Variants in TBL1X observed in about 807,000 individuals in gnomAD.
TBL1X encodes F-box-like/WD repeat-containing protein TBL1X.
In TBL1X, 10 loss-of-function variants were observed where a neutral mutation model predicts 50.7. That is an observed-to-expected ratio of 0.20 (90% CI 0.12 to 0.33). The LOEUF (loss-of-function observed/expected upper bound fraction) is 0.33. Among genes scored for constraint, TBL1X ranks in the 10% least tolerant of loss-of-function variants. The pLI, the probability that TBL1X is intolerant of heterozygous loss-of-function variation, is 1.00. For synonymous variants in TBL1X, 190 were observed against 214.7 expected, an observed-to-expected ratio of 0.88 and a Z score of 1.01; for missense variants, 340 against 504.4, an observed-to-expected ratio of 0.67 and a Z score of 3.12.
intron 2 of TBL1X, among the ~76,000 whole-genome samples, chrX:9,564,131 A>G (rs1471574476): frequency 8.9e-6 from 1 of 112,508 alleles, no homozygotes; most frequent in Non-Finnish European, 1.9e-5. Context: ...TAGAATAAAG[A>G]TGTTTGGGCC....
intron 1 of TBL1X, among the ~76,000 whole-genome samples, chrX:9,487,899 G>A (rs2081921769): frequency 9.0e-6 from 1 of 111,361 alleles, no homozygotes; most frequent in African/African-American, 3.3e-5. Flanking sequence ...ATTCCAAGCA[G>A]CAAGACTTAG....
rs141942144 is a variant in TBL1X at position 9,515,190 on chromosome X, T to C, written c.-131+13341T>C. ...CTTGGATCCACTTCCTAAGTTCCTA[T>C]AGTCCTTATTTTATAAACTGATAAA... On this transcript the variant is annotated intron_variant, in intron 2 of 17. Transcript: ENST00000645353. Among the ~76,000 whole-genome samples the C allele has an allele frequency of 8.1e-3, 909 of 111,973 alleles. 16 individuals are homozygous for C. The highest frequency in any genetic ancestry group is 0.028 in the African/African-American group (873 of 30,852).
intron 5 of TBL1X, among the ~76,000 whole-genome samples, chrX:9,674,680 G>GCTCCC (rs2082981537): frequency 2.5e-4 from 1 of 4,012 alleles, no homozygotes; most frequent in African/African-American, 7.2e-4. Context: ...TCCCGCCTCA[G>GCTCCC]CCCCCCCCCC....
chrX:9,560,151 C>T (rs935379346), intron 2 of TBL1X, among the ~76,000 whole-genome samples: 3 of 112,063 alleles, frequency 2.7e-5, no homozygotes, highest in Non-Finnish European at 5.6e-5. Context: ...CTGTGGAGTT[C>T]CACGACAAAG....
In TBL1X at chrX:9,661,489, C is replaced by T. The variant is rs763706424; in HGVS notation, c.211+7167C>T. Among the ~76,000 whole-genome samples, 35 of 111,406 alleles carry T rather than the reference C, an allele frequency of 3.1e-4. No homozygotes were observed. The South Asian group carries it at 3.5e-3, about 11-fold the overall frequency. On this transcript the variant is annotated intron_variant, in intron 5 of 17. Transcript: ENST00000645353. ...GCAGTGAGCCATAATTGTGCTATTG[C>T]ACTCCAGAGTGGGTGACAGAGTGAG... is the stretch of plus-strand genomic sequence containing the variant.
chrX:9,711,624 T>G lies in TBL1X; in HGVS notation c.1453T>G (p.Ser485Ala). ...CCACCTTGCTAGTGCTTCGTTTGAT[T>G]CTACGGTGCGACTGTGGGACATAGA... ...NIMLASASFD[S>A]TVRLWDIERG... The change falls in exon 16 of 18, where the codon TCT becomes GCT. Residue 485 changes from serine to alanine, a missense_variant. This residue lies in a region of TBL1X where 170 missense variants were observed against 272.6 expected (regional missense o/e 0.62). Transcript: ENST00000645353. The G allele has an allele frequency of 4.2e-6, 5 of 1,194,915 alleles. No homozygotes were observed. The highest frequency in any genetic ancestry group is 5.6e-6 in the Non-Finnish European group (5 of 885,911).
chrX:9,596,466 G>A (rs1051119899), intron 2 of TBL1X, among the ~76,000 whole-genome samples: 10 of 111,219 alleles, frequency 9.0e-5, no homozygotes, highest in African/African-American at 2.9e-4. Context: ...CATTTTTGGT[G>A]TCACCTTGGG....
At chrX:9,488,133 C>A (rs1601709654) in intron 1 of TBL1X, among the ~76,000 whole-genome samples, 1 of 112,275 alleles carries the variant, frequency 8.9e-6, no homozygotes. Flanking sequence ...ACTGATAAGA[C>A]TGAAGGCCAT....
intron 2 of TBL1X, among the ~76,000 whole-genome samples, chrX:9,559,254 C>T (rs2082314174): frequency 9.0e-6 from 1 of 111,670 alleles, no homozygotes; most frequent in African/African-American, 3.3e-5. Flanking sequence ...TCTCTTGGCC[C>T]CAGTTTACCC....
At chrX:9,527,769 G>A (rs1242925894) in intron 2 of TBL1X, among the ~76,000 whole-genome samples, 2 of 110,308 alleles carry the variant, frequency 1.8e-5, no homozygotes, top group African/African-American at 6.6e-5. Context: ...ACACTGTTCC[G>A]CCACCATCAC....
At chrX:9,707,701 A>C (rs185709994) in intron 13 of TBL1X, among the ~76,000 whole-genome samples, 7 of 112,656 alleles carry the variant, frequency 6.2e-5, no homozygotes, top group African/African-American at 2.3e-4. Context: ...CTGCAGTCAG[A>C]GCCACCCTTG....
intron 5 of TBL1X, among the ~76,000 whole-genome samples, chrX:9,670,099 ACCATTATG>A (rs1342301646): frequency 1.8e-4 from 20 of 112,262 alleles, no homozygotes; most frequent in Non-Finnish European, 3.4e-4. Context: ...TAAATAATTT[ACCATTATG>A]CCATTATGCC....
rs759093175 is a variant in TBL1X at position 9,535,026 on chromosome X, C to A, written c.-131+33177C>A. 6.3e-5 allele frequency: 7 copies of A among 111,543 alleles called. No individual in the cohort carries two copies. The South Asian group carries it at 2.7e-3, about 42-fold the overall frequency. The allele number at this position is 111,543 out of a possible 1,213,427, so 9.2% of individuals were successfully genotyped here. A position where few individuals can be genotyped will look rare whatever the true frequency, so the allele number is the denominator to read the frequency against. ...CTTAGAACAGAGCTTGGTGAGCATC[C>A]GGTCAACAGTAAGTACTTTTATTAT... On this transcript the variant is annotated intron_variant, in intron 2 of 17. Transcript: ENST00000645353.
At chrX:9,630,621 T>A (rs2082716178) in intron 2 of TBL1X, among the ~76,000 whole-genome samples, 1 of 112,313 alleles carries the variant, frequency 8.9e-6, no homozygotes, top group African/African-American at 3.2e-5. Flanking sequence ...TTTTTCTTTC[T>A]TTTTTTGACA....
chrX:9,483,450 A>T (rs1027198639), intron 1 of TBL1X, among the ~76,000 whole-genome samples: 3 of 99,436 alleles, frequency 3.0e-5, no homozygotes, highest in Non-Finnish European at 6.3e-5. Flanking sequence ...GTAGATGGAG[A>T]AACCCTGAGC....
At chrX:9,693,695 A>G (rs143118455) in intron 11 of TBL1X, among the ~76,000 whole-genome samples, 1,629 of 111,605 alleles carry the variant, frequency 0.015, 11 homozygotes, top group Middle Eastern at 0.032. Context: ...CAATCTCCAC[A>G]TTGCATTTGT....
At chrX:9,713,322 A>G (rs1000725625) in intron 16 of TBL1X, among the ~76,000 whole-genome samples, 2 of 111,685 alleles carry the variant, frequency 1.8e-5, no homozygotes, top group Non-Finnish European at 3.8e-5. Context: ...GAACACATCA[A>G]TTATCAAAAC....
intron 2 of TBL1X, 115 bp from the exon 3 acceptor site, chrX:9,640,158 G>A (rs2082767855): frequency 8.9e-6 from 1 of 112,398 alleles, no homozygotes; most frequent in Non-Finnish European, 1.9e-5. Flanking sequence ...CCAATAAAAT[G>A]TGTTAAGTTT....
intron 2 of TBL1X, among the ~76,000 whole-genome samples, chrX:9,617,313 G>A (rs757998539): frequency 1.8e-5 from 2 of 111,416 alleles, no homozygotes; most frequent in East Asian, 2.8e-4. Flanking sequence ...CTCTGGAAGC[G>A]CTCAGGGAGC....
Sources: allele counts gnomAD v4.1 joint callset (sites outside exome capture counted in the v4.1 genomes callset), GRCh38; gene constraint gnomAD v4.1.1; regional missense constraint gnomAD v4.1.1; transcripts MANE v1.5; gene names NCBI Gene and HGNC (gene_info 2026-07-23, HGNC 2026-07-21).